Variants in CEBPZ observed in about 807,000 individuals in gnomAD.
CEBPZ encodes the protein CCAAT/enhancer-binding protein zeta.
CEBPZ carries 78 observed loss-of-function variants against 104.5 expected under a neutral mutation model. The observed-to-expected ratio is 0.75, with a 90% confidence interval of 0.62 to 0.90. The LOEUF (loss-of-function observed/expected upper bound fraction) is 0.90, where lower values mean the gene tolerates loss of function less well. Ranked by LOEUF, CEBPZ falls within the 40% of genes least tolerant of loss-of-function variation. The probability of loss-of-function intolerance (pLI) is 0.00; values close to 1 mark genes in which losing one functional copy is unlikely to be tolerated. For missense variants in CEBPZ, 1,439 were observed against 1,233.5 expected, an observed-to-expected ratio of 1.17 and a Z score of -2.50; for synonymous variants, 470 against 427.0, an observed-to-expected ratio of 1.10 and a Z score of -1.24.
Position 37,216,197 on chromosome 2 carries a change from T to C in CEBPZ, c.2323A>G (p.Ser775Gly). The change falls in exon 8 of 16, where the codon AGT becomes GGT. Residue 775 changes from serine to glycine, a missense_variant. Ser to Gly is a moderately conservative substitution (Grantham distance 56, BLOSUM62 0). Transcript: ENST00000234170. ...TTTCTTTTCGGCTGCATCACAACAC[T>C]ATCTGTGTTTTCTGAAATGTAAAAT... ...KPHKGKENTD[S>G]VVMQPKRKHF... The C allele has an allele frequency of 6.2e-7, 1 of 1,612,516 alleles. No individual in the cohort carries two copies.
rs749927361 is a variant in CEBPZ, at chr2:37,228,833, T to C, written c.360A>G (p.Ile120Met). ...KENSSKKEVK[I>M]PKINNKNTAE... ...CTGTATTTTTATTATTTATTTTAGG[T>C]ATTTTTACTTCTTTTTTGCTGGAAT... The change falls in exon 2 of 16, where the codon ATA becomes ATG. Residue 120 changes from isoleucine to methionine, a missense_variant. Coordinates refer to ENST00000234170, the MANE Select transcript of CEBPZ (RefSeq NM_005760.3). 1 of 1,601,232 alleles carries C rather than the reference T, an allele frequency of 6.2e-7. No homozygotes were observed. The highest frequency in any genetic ancestry group is 8.5e-7 in the Non-Finnish European group (1 of 1,175,890).
At chr2:37,202,111 A>G (rs1677276810) in intron 15 of CEBPZ, 1 of 373,388 alleles carries the variant, frequency 2.7e-6, no homozygotes, top group African/African-American at 2.1e-5. Flanking sequence ...CTAAGGAAGG[A>G]AAAGAAACAA....
At position 37,216,975 on chromosome 2, in the gene CEBPZ, T is replaced by TA; in HGVS notation, c.2208+8dup. 6.2e-7 allele frequency: 1 copy of TA among 1,605,790 alleles called. No homozygotes were observed. The highest frequency in any genetic ancestry group is 2.2e-5 in the East Asian group (1 of 44,824). On this transcript the variant is annotated intron_variant, in intron 6 of 15. Coordinates refer to ENST00000234170, the MANE Select transcript of CEBPZ (RefSeq NM_005760.3). Reference sequence around the variant, plus strand: ...TTATTTCTCATCTTTGGATTTATTTTAGACTCACCTGAAGGATGGTCTTTG... The same window carrying TA: ...TTATTTCTCATCTTTGGATTTATTTTAAGACTCACCTGAAGGATGGTCTTTG...
At chr2:37,231,237 T>C (rs754239087) in intron 1 of CEBPZ, 175 bp downstream of exon 1, 4 of 826,306 alleles carry the variant, frequency 4.8e-6, no homozygotes, top group Non-Finnish European at 8.2e-6. Flanking sequence ...ACTTTTCTTT[T>C]GTAAACAGCA....
At chr2:37,230,574 TAATATTA>T (rs1446917846) in intron 1 of CEBPZ, among the ~76,000 whole-genome samples, 1 of 152,138 alleles carries the variant, frequency 6.6e-6, no homozygotes, top group African/African-American at 2.4e-5. Context: ...CCAAACAAAA[TAATATTA>T]AAAACAAAGT....
intron 10 of CEBPZ, chr2:37,213,558 C>T (rs1277943086): frequency 3.3e-5 from 7 of 210,984 alleles, no homozygotes; most frequent in South Asian, 6.6e-5. Flanking sequence ...ACTACAGGTG[C>T]GTGCCACCAT....
intron 2 of CEBPZ, among the ~76,000 whole-genome samples, chr2:37,223,796 TGTATAAC>T (rs1664822325): frequency 3.3e-5 from 5 of 152,212 alleles, no homozygotes; most frequent in African/African-American, 1.2e-4. Flanking sequence ...TTTTTGTCCT[TGTATAAC>T]TACCTACTAG....
chr2:37,228,809 T>C lies in CEBPZ; in HGVS notation c.384A>G (p.Thr128=). Residue 128 remains threonine, a synonymous_variant, in exon 2 of 16, where the codon ACA becomes ACG. Transcript: ENST00000234170. ...TAACTGATGTCCTTTGACTTTCTGCTGTATTTTTATTATTTATTTTAGGTA... is the reference window on the plus strand; with the variant it reads ...TAACTGATGTCCTTTGACTTTCTGCCGTATTTTTATTATTTATTTTAGGTA... ...VKIPKINNKN[T]AESQRTSVNK... is the part of the protein sequence containing the mutation. The C allele has an allele frequency of 6.2e-7, 1 of 1,604,410 alleles. No individual in the cohort carries two copies. The highest frequency in any genetic ancestry group is 8.5e-7 in the Non-Finnish European group (1 of 1,176,982).
chr2:37,212,875 A>C (rs912647403), intron 10 of CEBPZ, among the ~76,000 whole-genome samples: 4 of 150,670 alleles, frequency 2.7e-5, no homozygotes, highest in African/African-American at 7.3e-5. Context: ...AACAAAAAAA[A>C]AAACAAAAAA....
At chr2:37,205,806 T>C (rs1677518698) in intron 13 of CEBPZ, among the ~76,000 whole-genome samples, 1 of 152,228 alleles carries the variant, frequency 6.6e-6, no homozygotes, top group Admixed American at 6.5e-5. Context: ...TTTTCTTTTA[T>C]TAGCACCTTG....
intron 3 of CEBPZ, 67 bp from the exon 4 acceptor site, chr2:37,222,630 A>T (rs1664799903): frequency 8.6e-7 from 1 of 1,161,284 alleles, no homozygotes; most frequent in Admixed American, 2.8e-5. Flanking sequence ...TCTGTGCTCC[A>T]TTATGTGATG....
chr2:37,231,157 A>T, intron 1 of CEBPZ: 1 of 655,488 alleles, frequency 1.5e-6, no homozygotes, highest in Non-Finnish European at 2.9e-6. Flanking sequence ...TGATGGTTAT[A>T]CCACGTCAAT....
At chr2:37,204,960 A>T (rs900443319) in intron 13 of CEBPZ, among the ~76,000 whole-genome samples, 1 of 152,188 alleles carries the variant, frequency 6.6e-6, no homozygotes, top group African/African-American at 2.4e-5. Flanking sequence ...GGCTCAGTAG[A>T]ACTTGAAGTA....
rs1288236289 is a variant in CEBPZ at position 37,231,555 on chromosome 2, T to C, written c.13A>G (p.Lys5Glu). Reference sequence around the variant, plus strand: ...TTGGCATGGAACTCCAAAGGCTCCTTGACTGCGGCCATGGCGGGCAAAGCA... The same window carrying C: ...TTGGCATGGAACTCCAAAGGCTCCTCGACTGCGGCCATGGCGGGCAAAGCA... MAAV[K>E]EPLEFHAKRP... is the part of the protein sequence containing the mutation. The change falls in exon 1 of 16, where the codon AAG becomes GAG. Residue 5 changes from lysine (K) to glutamate (E), a missense_variant. Physicochemically the swap from Lys to Glu is moderately conservative, Grantham distance 56. Transcript: ENST00000234170. 15 of 1,614,108 alleles carry C rather than the reference T, an allele frequency of 9.3e-6. No homozygotes were observed. Among genetic ancestry groups the C allele is most frequent in the Non-Finnish European group, 1.3e-5 (15 of 1,180,040 alleles).
chr2:37,228,831 G>C lies in CEBPZ; in HGVS notation c.362C>G (p.Pro121Arg). 1.9e-6 allele frequency: 3 copies of C among 1,598,640 alleles called. No homozygotes were observed. The highest frequency in any genetic ancestry group is 2.6e-6 in the Non-Finnish European group (3 of 1,174,668). Reference protein sequence around the residue: ...ENSSKKEVKIPKINNKNTAES... With the variant: ...ENSSKKEVKIRKINNKNTAES... ...TGCTGTATTTTTATTATTTATTTTAGGTATTTTTACTTCTTTTTTGCTGGA... is the reference window on the plus strand; with the variant it reads ...TGCTGTATTTTTATTATTTATTTTACGTATTTTTACTTCTTTTTTGCTGGA... Residue 121 changes from proline to arginine, a missense_variant, in exon 2 of 16, where the codon CCT (proline) becomes CGT (arginine). Coordinates refer to ENST00000234170, the MANE Select transcript of CEBPZ (RefSeq NM_005760.3).
Position 37,223,616 on chromosome 2 carries a change from G to A in CEBPZ, c.1650-215C>T, listed in dbSNP as rs578100021. Among the ~76,000 whole-genome samples the A allele has an allele frequency of 5.9e-5, 9 of 152,294 alleles. No individual in the cohort carries two copies. In the South Asian group the frequency reaches 1.9e-3, roughly 32 times the overall value. On this transcript the variant is annotated intron_variant, in intron 2 of 15. Transcript: ENST00000234170. The stretch of plus-strand genomic sequence containing the variant: ...GAAAAACCAACAGCAACAGACACAG[G>A]AATAGGCATTTTTGAGTGTGTGGTT...
rs745693092 is a variant in CEBPZ at position 37,228,494 on chromosome 2, G to A, written c.699C>T (p.Thr233=). ...KTNSQKGASS[T]WMKAIVSSGT... The stretch of plus-strand genomic sequence containing the variant: ...CCGATGACACAATTGCCTTCATCCA[G>A]GTAGAAGAGGCTCCCTTTTGACTAT... The change falls in exon 2 of 16, where the codon ACC becomes ACT. Residue 233 remains threonine, a synonymous_variant. Transcript: ENST00000234170. 1 of 1,614,172 alleles carries A rather than the reference G, an allele frequency of 6.2e-7. No individual in the cohort carries two copies. The highest frequency in any genetic ancestry group is 8.5e-7 in the Non-Finnish European group (1 of 1,180,022).
chr2:37,219,810 A>G (rs1485343633), intron 5 of CEBPZ, among the ~76,000 whole-genome samples: 1 of 152,172 alleles, frequency 6.6e-6, no homozygotes, highest in Non-Finnish European at 1.5e-5. Flanking sequence ...AAATTTATCC[A>G]TTTTCTCAAC....
intron 13 of CEBPZ, chr2:37,204,201 C>T (rs1677431407): frequency 6.6e-6 from 1 of 151,452 alleles, no homozygotes; most frequent in African/African-American, 2.4e-5. Context: ...GTACTGGTTT[C>T]TTAAAGTTTC....
Sources: allele counts gnomAD v4.1 joint callset (sites outside exome capture counted in the v4.1 genomes callset), GRCh38; gene constraint gnomAD v4.1.1; transcripts MANE v1.5; gene names NCBI Gene and HGNC (gene_info 2026-07-23, HGNC 2026-07-21).